The following FBXL17 variants were observed in gnomAD, a reference collection of about 807,000 sequenced individuals.
FBXL17 encodes the protein F-box and leucine rich repeat protein 17, also known as F-box/LRR-repeat protein 17.
In FBXL17, 22 loss-of-function variants were observed where a neutral mutation model predicts 66.2. The ratio of observed to expected loss-of-function variants is 0.33; its 90% CI spans 0.24 to 0.47. FBXL17 has a LOEUF of 0.47. Among genes scored for constraint, FBXL17 ranks in the 20% least tolerant of loss-of-function variants. The pLI, the probability that FBXL17 is intolerant of heterozygous loss-of-function variation, is 1.00. For synonymous variants in FBXL17, 474 were observed against 400.5 expected (o/e 1.18, Z -2.19); for missense variants, 878 against 948.2 (o/e 0.93, Z 0.97).
At chr5:108,270,110 AAAC>A (rs1214225022) in intron 4 of FBXL17, among the ~76,000 whole-genome samples, 7 of 152,142 alleles carry the variant, frequency 4.6e-5, no homozygotes, top group Non-Finnish European at 8.8e-5. Context: ...CTAAAGAAGT[AAAC>A]AATCTCCAGC....
chr5:108,372,835 G>T (rs1209353348), intron 1 of FBXL17, among the ~76,000 whole-genome samples: 2 of 152,102 alleles, frequency 1.3e-5, no homozygotes, highest in Non-Finnish European at 2.9e-5. Flanking sequence ...ATGAACTAAA[G>T]GATACCAGTA....
At chr5:108,202,314 A>C (rs980895642) in intron 5 of FBXL17, among the ~76,000 whole-genome samples, 3 of 152,184 alleles carry the variant, frequency 2.0e-5, no homozygotes, top group African/African-American at 7.2e-5. Context: ...AATGTAGCAC[A>C]AACAAATACA....
chr5:108,372,522 G>A (rs1007828458), intron 1 of FBXL17, among the ~76,000 whole-genome samples: 1 of 152,052 alleles, frequency 6.6e-6, no homozygotes, highest in African/African-American at 2.4e-5. Context: ...AACCCTGAAA[G>A]CAGCAAGAAA....
At chr5:107,936,577 T>G (rs1580727848) in intron 7 of FBXL17, among the ~76,000 whole-genome samples, 1 of 53,582 alleles carries the variant, frequency 1.9e-5, no homozygotes, top group East Asian at 5.6e-4. Flanking sequence ...AAACTATTGA[T>G]GATGCTACAT....
At chr5:108,020,723 G>A (rs1754564055) in intron 7 of FBXL17, 3 of 449,330 alleles carry the variant, frequency 6.7e-6, no homozygotes, top group African/African-American at 5.9e-5. Flanking sequence ...ATTGCATGTG[G>A]CAATGAAGTA....
chr5:107,883,977 AGCC>A (rs1413020841), intron 7 of FBXL17, among the ~76,000 whole-genome samples: 2 of 152,200 alleles, frequency 1.3e-5, no homozygotes, highest in Admixed American at 6.5e-5. Context: ...AGGACAAGTG[AGCC>A]GCAGGTATTC....
At chr5:108,186,013 A>C in intron 6 of FBXL17, 104 bp downstream of exon 6, 320 of 763,834 alleles carry the variant, frequency 4.2e-4, no homozygotes, top group Non-Finnish European at 5.8e-4. Flanking sequence ...TTGAAAAGGC[A>C]CAGCTGTATT....
At chr5:107,954,479 A>T (rs1751597212) in intron 7 of FBXL17, among the ~76,000 whole-genome samples, 1 of 152,258 alleles carries the variant, frequency 6.6e-6, no homozygotes, top group African/African-American at 2.4e-5. Flanking sequence ...GAGCACTGTT[A>T]CAGAGTGCAA....
At chr5:108,350,895 A>G (rs1233856532) in intron 3 of FBXL17, among the ~76,000 whole-genome samples, 2 of 152,234 alleles carry the variant, frequency 1.3e-5, no homozygotes, top group East Asian at 3.9e-4. Context: ...TCTGGGTAAC[A>G]GAAGATCTAA....
rs539825433 is a variant in FBXL17 at position 108,154,050 on chromosome 5, G to C, written c.1745+32067C>G. On this transcript the variant is annotated intron_variant, in intron 6 of 8. Transcript: ENST00000542267. The stretch of plus-strand genomic sequence containing the variant: ...AAATCTGCCAACAAATAGCCCAAAT[G>C]AGCCCACTCCTCAAATCTGCTAACT... Among the ~76,000 whole-genome samples, 15 of 152,040 alleles carry C rather than the reference G, an allele frequency of 9.9e-5. No individual in the cohort carries two copies. The East Asian group carries it at 2.7e-3, about 28-fold the overall frequency.
intron 6 of FBXL17, among the ~76,000 whole-genome samples, chr5:108,161,732 A>G (rs1752227132): frequency 6.6e-6 from 1 of 152,208 alleles, no homozygotes. Flanking sequence ...TTGCAATAGG[A>G]ATTTTTAGTT....
chr5:107,980,665 T>TATATATATATATATATATA (rs1363335386), intron 7 of FBXL17, among the ~76,000 whole-genome samples: 25 of 79,046 alleles, frequency 3.2e-4, no homozygotes, highest in East Asian at 2.9e-3. Flanking sequence ...TATATATATA[T>TATATATATATATATATATA]TTTTTTTTTG....
At chr5:108,348,344 G>C (rs1747412682) in intron 4 of FBXL17, 55 bp downstream of exon 4, 1 of 1,441,954 alleles carries the variant, frequency 6.9e-7, no homozygotes, top group Non-Finnish European at 9.4e-7. Context: ...AAACTTGAAA[G>C]AATTCGAAGG....
chr5:108,119,972 T>G (rs887148599), intron 6 of FBXL17, among the ~76,000 whole-genome samples: 1 of 152,366 alleles, frequency 6.6e-6, no homozygotes, highest in Admixed American at 6.5e-5. Flanking sequence ...ACTTGCTTCA[T>G]AGTGTGCATT....
At chr5:108,235,254 C>A (rs1175205472) in intron 4 of FBXL17, among the ~76,000 whole-genome samples, 1 of 152,148 alleles carries the variant, frequency 6.6e-6, no homozygotes, top group Non-Finnish European at 1.5e-5. Flanking sequence ...CTAGACTTCA[C>A]CCCAGACTAC....
At chr5:107,905,375 T>C (rs1332843913) in intron 7 of FBXL17, among the ~76,000 whole-genome samples, 1 of 152,174 alleles carries the variant, frequency 6.6e-6, no homozygotes, top group Non-Finnish European at 1.5e-5. Context: ...CAAGATTTTA[T>C]CCAACATTGT....
chr5:108,051,906 C>T (rs1580375461), intron 6 of FBXL17, among the ~76,000 whole-genome samples: 1 of 152,058 alleles, frequency 6.6e-6, no homozygotes, highest in East Asian at 1.9e-4. Flanking sequence ...GTCAGGAGAT[C>T]TAGACCATCA....
At chr5:108,002,406 C>T (rs1400433825) in intron 7 of FBXL17, among the ~76,000 whole-genome samples, 1 of 151,942 alleles carries the variant, frequency 6.6e-6, no homozygotes, top group Non-Finnish European at 1.5e-5. Context: ...AAATTTTTTC[C>T]CACTTCAACA....
intron 7 of FBXL17, among the ~76,000 whole-genome samples, chr5:107,906,264 T>G (rs1219449669): frequency 6.6e-6 from 1 of 152,078 alleles, no homozygotes; most frequent in East Asian, 1.9e-4. Context: ...TAAATGTGAA[T>G]AAAATATATC....
Sources: gnomAD v4.1 joint callset for allele counts (sites outside exome capture counted in the v4.1 genomes callset) on GRCh38, gnomAD v4.1.1 for gene constraint, MANE v1.5 for transcripts, NCBI Gene and HGNC (gene_info 2026-07-23, HGNC 2026-07-21) for gene names.